WDR70: variants seen among roughly 807,000 people sequenced by gnomAD.
The protein encoded by WDR70 is WD repeat domain 70.
WDR70 carries 53 observed loss-of-function variants against 88.6 expected under a neutral mutation model. That is an observed-to-expected ratio of 0.60 (90% confidence interval 0.48 to 0.75). The LOEUF is 0.75. Ranked by LOEUF, WDR70 falls within the 30% of genes least tolerant of loss-of-function variation. The probability of loss-of-function intolerance (pLI) is 0.00; values close to 1 mark genes in which losing one functional copy is unlikely to be tolerated. For missense variants in WDR70, 610 were observed against 823.2 expected (o/e 0.74, Z 3.17); for synonymous variants, 280 against 270.0 (o/e 1.04, Z -0.36).
chr5:37,608,134 C>T (rs549798169), intron 10 of WDR70, among the ~76,000 whole-genome samples: 16 of 151,448 alleles, frequency 1.1e-4, no homozygotes, highest in Non-Finnish European at 2.9e-5. Flanking sequence ...CTCCACCTCC[C>T]GGATTCAAGT....
chr5:37,442,622 C>T (rs1383747970), intron 6 of WDR70, among the ~76,000 whole-genome samples: 3 of 152,052 alleles, frequency 2.0e-5, no homozygotes, highest in Non-Finnish European at 4.4e-5. Context: ...TGTGGCCGGC[C>T]GAAAGCAAAT....
chr5:37,694,046 CAG>C (rs201463926), intron 10 of WDR70, among the ~76,000 whole-genome samples: 4,790 of 152,250 alleles, frequency 0.031, 99 homozygotes, highest in Middle Eastern at 0.11. Flanking sequence ...TGGATATGAA[CAG>C]ACACTCCTCA....
chr5:37,488,390 T>G lies in WDR70; in HGVS notation c.840+8403T>G, dbSNP rs1739960244. ...TCAACGATTATTTTATTAAATAGGT[T>G]TTCTATGCCATTGATCTCTTCACCT... On this transcript the variant is annotated intron_variant, in intron 8 of 17. Coordinates refer to ENST00000265107, the MANE Select transcript of WDR70 (RefSeq NM_018034.4). 2.6e-5 allele frequency among the ~76,000 whole-genome samples: 4 copies of G among 152,138 alleles called. No homozygotes were observed. The South Asian group carries it at 8.3e-4, about 32-fold the overall frequency.
At chr5:37,407,467 C>T (rs186864062) in intron 5 of WDR70, among the ~76,000 whole-genome samples, 9 of 151,644 alleles carry the variant, frequency 5.9e-5, no homozygotes, top group African/African-American at 1.2e-4. Context: ...GAGGTTGCAA[C>T]GAGCTAAAAA....
At chr5:37,527,190 A>G (rs995157117) in intron 9 of WDR70, among the ~76,000 whole-genome samples, 4 of 152,216 alleles carry the variant, frequency 2.6e-5, no homozygotes, top group Non-Finnish European at 5.9e-5. Context: ...TCCTAAGCCA[A>G]AAGTACAAAG....
intron 8 of WDR70, among the ~76,000 whole-genome samples, chr5:37,482,324 T>A (rs1739698936): frequency 6.6e-6 from 1 of 152,066 alleles, no homozygotes. Context: ...GACTGGGTAA[T>A]TTATAAAGGA....
intron 3 of WDR70, among the ~76,000 whole-genome samples, chr5:37,382,505 C>T (rs767396821): frequency 3.3e-5 from 5 of 151,806 alleles, no homozygotes; most frequent in South Asian, 2.1e-4. Context: ...TCTACCTCCC[C>T]GGTTCAAGCA....
intron 10 of WDR70, among the ~76,000 whole-genome samples, chr5:37,657,840 G>A (rs1196694533): frequency 6.6e-6 from 1 of 152,096 alleles, no homozygotes; most frequent in Non-Finnish European, 1.5e-5. Context: ...AATGTTTCCA[G>A]AACATACCGT....
chr5:37,619,444 A>G (rs956250255), intron 10 of WDR70, among the ~76,000 whole-genome samples: 1 of 152,190 alleles, frequency 6.6e-6, no homozygotes, highest in East Asian at 1.9e-4. Flanking sequence ...TTCCTGAGCC[A>G]TGTTTCTCAG....
chr5:37,473,606 C>T (rs1276868475), intron 7 of WDR70, among the ~76,000 whole-genome samples: 2 of 152,040 alleles, frequency 1.3e-5, no homozygotes, highest in East Asian at 1.9e-4. Context: ...TGCCTCCCAA[C>T]GTGCTGGGAT....
Position 37,531,587 on chromosome 5 carries a change from CT to C in WDR70, c.917+15017del, listed in dbSNP as rs149831770. 2.3e-3 allele frequency among the ~76,000 whole-genome samples: 176 copies of C among 77,718 alleles called. 1 individual carries two copies. The highest frequency in any genetic ancestry group is 3.6e-3 in the Non-Finnish European group (112 of 30,780). 51.0% of individuals were successfully genotyped at this position (77,718 alleles called of 152,430 possible). A position where few individuals can be genotyped will look rare whatever the true frequency, so the allele number is the denominator to read the frequency against. On this transcript the variant is annotated intron_variant, in intron 9 of 17. Transcript: ENST00000265107. ...AAGCTGCTGTTGCTTTAAAGTTTTT[CT>C]TTTTTTTTTTTTTTTTTTTGTCTGA...
At chr5:37,622,572 T>C (rs189129208) in intron 10 of WDR70, among the ~76,000 whole-genome samples, 75 of 152,140 alleles carry the variant, frequency 4.9e-4, no homozygotes, top group Non-Finnish European at 8.7e-4. Flanking sequence ...TTAAAAAGGG[T>C]GAGTTCATGT....
At chr5:37,512,219 T>TA (rs1165510467) in intron 8 of WDR70, among the ~76,000 whole-genome samples, 6 of 152,036 alleles carry the variant, frequency 3.9e-5, no homozygotes, top group Non-Finnish European at 7.4e-5. Flanking sequence ...TTTTCTTCTT[T>TA]AAAAAAAATT....
At chr5:37,737,042 A>G (rs1748324119) in intron 17 of WDR70, among the ~76,000 whole-genome samples, 1 of 152,122 alleles carries the variant, frequency 6.6e-6, no homozygotes, top group Non-Finnish European at 1.5e-5. Context: ...ATAAAAATTA[A>G]TTTACCAAAT....
rs1740578486 is a variant in WDR70 at position 37,506,955 on chromosome 5, C to T, written c.841-9559C>T. 4.0e-5 allele frequency: 28 copies of T among 706,918 alleles called. No individual in the cohort carries two copies. The Middle Eastern group carries it at 1.2e-3, about 31-fold the overall frequency. 43.8% of individuals were successfully genotyped at this position (706,918 alleles called of 1,614,324 possible). A position where few individuals can be genotyped will look rare whatever the true frequency, so the allele number is the denominator to read the frequency against. On this transcript the variant is annotated intron_variant, in intron 8 of 17. Coordinates refer to ENST00000265107, the MANE Select transcript of WDR70 (RefSeq NM_018034.4). ...CCCACCTTTCCCTTCCCTCCACCCA[C>T]TTGGATTCACCTCCCTTTGCCACCT...
intron 10 of WDR70, among the ~76,000 whole-genome samples, chr5:37,645,501 G>A (rs1267938642): frequency 6.6e-6 from 1 of 152,078 alleles, no homozygotes; most frequent in African/African-American, 2.4e-5. Context: ...TTGGTCTATA[G>A]TGCAGATTAA....
chr5:37,706,475 C>A lies in WDR70; in HGVS notation c.1416+3388C>A, dbSNP rs560158079. On this transcript the variant is annotated intron_variant, in intron 13 of 17. Coordinates refer to ENST00000265107, the MANE Select transcript of WDR70 (RefSeq NM_018034.4). ...TTGAATCATGGGGGCGGGTCTTTTC[C>A]GTGCTGTTCTTGTGATAGTGAATAC... Among the ~76,000 whole-genome samples, 8 of 152,140 alleles carry A rather than the reference C, an allele frequency of 5.3e-5. No homozygotes were observed. The East Asian group carries it at 1.5e-3, about 29-fold the overall frequency.
intron 9 of WDR70, among the ~76,000 whole-genome samples, chr5:37,521,703 T>TACACACACAC (rs59206188): frequency 9.0e-5 from 13 of 145,220 alleles, no homozygotes; most frequent in East Asian, 4.0e-4. Context: ...AGTCCAAGTA[T>TACACACACAC]ACACACACAC....
At chr5:37,389,290 A>G (rs1208311222) in intron 3 of WDR70, among the ~76,000 whole-genome samples, 2 of 126,688 alleles carry the variant, frequency 1.6e-5, no homozygotes, top group Non-Finnish European at 3.0e-5. Flanking sequence ...ACAGGGTTTC[A>G]CCTGTCGAGA....
Sources: gnomAD v4.1 joint callset for allele counts (sites outside exome capture counted in the v4.1 genomes callset) on GRCh38, gnomAD v4.1.1 for gene constraint, MANE v1.5 for transcripts, NCBI Gene and HGNC (gene_info 2026-07-23, HGNC 2026-07-21) for gene names.